Variants in SMIM35 observed in about 807,000 individuals in gnomAD.
SMIM35 encodes small integral membrane protein 35, also known as TMPRSS4 antisense RNA 1 (non-protein coding).
intron 4 of SMIM35, among the ~76,000 whole-genome samples, chr11:118,010,281 CCTCCTGG>C (rs2058143407): frequency 6.6e-6 from 1 of 152,162 alleles, no homozygotes; most frequent in South Asian, 2.1e-4. Flanking sequence ...GAGACACTGC[CCTCCTGG>C]CTCCTGGCAC....
intron 1 of SMIM35, among the ~76,000 whole-genome samples, chr11:118,020,159 A>G (rs57916935): frequency 0.096 from 14,537 of 152,142 alleles, 950 homozygotes; most frequent in East Asian, 0.37. Context: ...CCAGCTACTC[A>G]GGAGGCTAAG....
chr11:118,029,571 G>A lies in SMIM35; in HGVS notation c.8-13762C>T, dbSNP rs757094184. 9.1e-5 allele frequency: 41 copies of A among 450,038 alleles called. 1 individual carries two copies. The highest frequency in any genetic ancestry group is 5.8e-4 in the South Asian group (37 of 63,688). The allele number at this position is 450,038 out of a possible 1,614,324, so 27.9% of individuals were successfully genotyped here. A position where few individuals can be genotyped will look rare whatever the true frequency, so the allele number is the denominator to read the frequency against. On this transcript the variant is annotated intron_variant, in intron 1 of 4. Coordinates refer to ENST00000689828, the MANE Select transcript of SMIM35 (RefSeq NM_001394165.1). The stretch of plus-strand genomic sequence containing the variant: ...AGGCTACAAGGCTGGAGGATGAAGA[G>A]GGGACTTACCCCCTGTCTGCTTCTT...
intron 1 of SMIM35, among the ~76,000 whole-genome samples, chr11:118,061,125 G>A (rs1353520437): frequency 2.0e-5 from 3 of 152,170 alleles, no homozygotes; most frequent in Admixed American, 2.0e-4. Context: ...ACTGCCACTC[G>A]TGACAGACAC....
At chr11:118,017,818 C>T (rs991360973) in intron 1 of SMIM35, among the ~76,000 whole-genome samples, 13 of 152,148 alleles carry the variant, frequency 8.5e-5, no homozygotes, top group Non-Finnish European at 1.3e-4. Flanking sequence ...CTTCACATGA[C>T]GGCAGGAAGG....
At chr11:118,015,026 C>A (rs142709118) in intron 2 of SMIM35, among the ~76,000 whole-genome samples, 43 of 152,300 alleles carry the variant, frequency 2.8e-4, no homozygotes, top group African/African-American at 9.4e-4. Flanking sequence ...CCTCATGTCT[C>A]CATCTATAAA....
intron 1 of SMIM35, among the ~76,000 whole-genome samples, chr11:118,057,528 C>G (rs150730900): frequency 6.6e-6 from 1 of 152,102 alleles, no homozygotes; most frequent in Non-Finnish European, 1.5e-5. Context: ...GAGGCAGTGC[C>G]GTTGCTGTGG....
chr11:118,058,222 C>T (rs576697191), intron 1 of SMIM35, among the ~76,000 whole-genome samples: 3 of 152,264 alleles, frequency 2.0e-5, no homozygotes, highest in South Asian at 2.1e-4. Context: ...GTCCCTGAAG[C>T]GGAGCATGCA....
chr11:118,026,293 G>A (rs1333966149), intron 1 of SMIM35, among the ~76,000 whole-genome samples: 2 of 152,322 alleles, frequency 1.3e-5, no homozygotes, highest in South Asian at 2.1e-4. Flanking sequence ...GGATGAGGGA[G>A]TATTTCCTCA....
chr11:118,077,403 G>C (rs1182091653), intron 1 of SMIM35: 20 of 1,397,328 alleles, frequency 1.4e-5, no homozygotes, highest in East Asian at 2.7e-5. Context: ...TGAGAATTCT[G>C]TGACACCTTC....
chr11:118,041,039 A>G (rs1327422959), intron 1 of SMIM35, among the ~76,000 whole-genome samples: 1 of 152,124 alleles, frequency 6.6e-6, no homozygotes, highest in African/African-American at 2.4e-5. Flanking sequence ...TAATATTTCT[A>G]TACATCACTG....
At chr11:118,045,776 A>T (rs1290681718) in intron 1 of SMIM35, among the ~76,000 whole-genome samples, 1 of 152,212 alleles carries the variant, frequency 6.6e-6, no homozygotes, top group Non-Finnish European at 1.5e-5. Flanking sequence ...ACCCAGTATA[A>T]TGAATGAACA....
At chr11:118,066,397 C>CAG (rs1212591949) in intron 1 of SMIM35, among the ~76,000 whole-genome samples, 1 of 151,976 alleles carries the variant, frequency 6.6e-6, no homozygotes, top group Admixed American at 6.6e-5. Context: ...CCAGGCTCTC[C>CAG]ATCCACACAG....
chr11:118,011,483 G>A (rs148818230), intron 4 of SMIM35, among the ~76,000 whole-genome samples: 2,554 of 152,260 alleles, frequency 0.017, 65 homozygotes, highest in African/African-American at 0.059. Context: ...CTTGAGGTTA[G>A]GAGTTCGGGA....
intron 4 of SMIM35, among the ~76,000 whole-genome samples, chr11:118,008,297 G>A (rs143025016): frequency 5.1e-4 from 77 of 152,236 alleles, no homozygotes; most frequent in African/African-American, 1.8e-3. Context: ...TAAATATCAC[G>A]GCTTCTAGAT....
chr11:118,003,694 C>T lies in SMIM35; in HGVS notation c.*2716G>A, dbSNP rs1340727517. The T allele has an allele frequency of 6.6e-6, 1 of 152,166 alleles. No individual in the cohort carries two copies. Among genetic ancestry groups the T allele is most frequent in the Non-Finnish European group, 1.5e-5 (1 of 68,036 alleles). 9.4% of individuals were successfully genotyped at this position (152,166 alleles called of 1,614,324 possible). On this transcript the variant is annotated 3_prime_UTR_variant, in exon 5 of 5. Coordinates refer to ENST00000689828, the MANE Select transcript of SMIM35 (RefSeq NM_001394165.1). ...TTTTGTCAAAAAACATTACGAAGCA[C>T]TTGTTATGTGTTGGACATGGTGTGC...
intron 1 of SMIM35, among the ~76,000 whole-genome samples, chr11:118,038,903 G>A (rs1383347875): frequency 2.0e-5 from 3 of 152,190 alleles, no homozygotes; most frequent in South Asian, 2.1e-4. Flanking sequence ...AAAGATTCAT[G>A]TGTGGCTGGA....
chr11:118,079,932 G>GGGCT (rs1456405666), intron 1 of SMIM35, among the ~76,000 whole-genome samples: 1 of 152,196 alleles, frequency 6.6e-6, no homozygotes, highest in South Asian at 2.1e-4. Context: ...AGGCAAGGAG[G>GGGCT]GGCTGCTTGC....
At chr11:118,016,026 T>C (rs577791964) in intron 1 of SMIM35, among the ~76,000 whole-genome samples, 6 of 152,222 alleles carry the variant, frequency 3.9e-5, no homozygotes, top group African/African-American at 9.6e-5. Context: ...AGCTTGTTAA[T>C]CCAAAGGAAT....
chr11:118,045,745 T>C (rs979861935), intron 1 of SMIM35, among the ~76,000 whole-genome samples: 5 of 152,210 alleles, frequency 3.3e-5, no homozygotes, highest in African/African-American at 1.2e-4. Context: ...TCTCTGATAA[T>C]GTACAGCTCT....
Sources: allele counts gnomAD v4.1 joint callset (sites outside exome capture counted in the v4.1 genomes callset), GRCh38; gene constraint gnomAD v4.1.1; transcripts MANE v1.5; gene names NCBI Gene and HGNC (gene_info 2026-07-23, HGNC 2026-07-21).